Variants in ARMH4 observed in about 807,000 individuals in gnomAD.
The protein encoded by ARMH4 is armadillo like helical domain containing 4.
ARMH4 carries 49 observed loss-of-function variants against 61.9 expected under a neutral mutation model. The observed-to-expected ratio is 0.79, with a 90% CI of 0.63 to 1.00. The LOEUF (loss-of-function observed/expected upper bound fraction) is 1.00. Among genes scored for constraint, ARMH4 ranks in the 50% least tolerant of loss-of-function variants. The probability of loss-of-function intolerance (pLI) is 0.00; values close to 1 mark genes in which losing one functional copy is unlikely to be tolerated. For missense variants in ARMH4, 934 were observed against 930.0 expected (o/e 1.00, Z -0.06); for synonymous variants, 368 against 341.5 (o/e 1.08, Z -0.85).
Position 58,138,459 on chromosome 14 carries a change from G to A in ARMH4, c.900C>T (p.Val300=). Residue 300 remains valine, a synonymous_variant, in exon 2 of 8, where the codon GTC becomes GTT. Coordinates refer to ENST00000267485, the MANE Select transcript of ARMH4 (RefSeq NM_001001872.4). ...CAGAGGCAGCTGGAACAGCTGTGCTGACACTCACTGTGACTTCTGGGGCTC... is the reference window on the plus strand; with the variant it reads ...CAGAGGCAGCTGGAACAGCTGTGCTAACACTCACTGTGACTTCTGGGGCTC... The part of the protein sequence containing the change: ...LLGAPEVTVS[V]STAVPAASAL... 1 of 1,614,260 alleles carries A rather than the reference G, an allele frequency of 6.2e-7. No individual in the cohort carries two copies. Among genetic ancestry groups the A allele is most frequent in the Non-Finnish European group, 8.5e-7 (1 of 1,180,050 alleles).
intron 2 of ARMH4, among the ~76,000 whole-genome samples, chr14:58,136,463 C>T (rs779583562): frequency 6.6e-6 from 1 of 152,140 alleles, no homozygotes; most frequent in Non-Finnish European, 1.5e-5. Context: ...AACCAACTTA[C>T]AAGACATTTT....
chr14:58,096,908 CTCA>C lies in ARMH4; in HGVS notation c.1902_1904del (p.Asp634del). ...CCAGCGAGTCTGCATCTTTATCTTC[CTCA>C]TCTTCTTCCTCATCTTCCTCTTCTT... On this transcript the variant is annotated inframe_deletion, in exon 5 of 8. Coordinates refer to ENST00000267485, the MANE Select transcript of ARMH4 (RefSeq NM_001001872.4). The C allele has an allele frequency of 1.2e-6, 2 of 1,614,052 alleles. No individual in the cohort carries two copies. Among genetic ancestry groups the C allele is most frequent in the Non-Finnish European group, 1.7e-6 (2 of 1,179,982 alleles).
intron 4 of ARMH4, among the ~76,000 whole-genome samples, chr14:58,121,514 A>G (rs986066299): frequency 2.0e-5 from 3 of 152,252 alleles, no homozygotes; most frequent in Non-Finnish European, 4.4e-5. Context: ...ATTTGTGAAC[A>G]CAGCTTTATG....
rs547896357 is a variant in ARMH4 at position 58,140,479 on chromosome 14, G to T, written c.-56-1065C>A. Among the ~76,000 whole-genome samples, 8 of 151,484 alleles carry T rather than the reference G, an allele frequency of 5.3e-5. No homozygotes were observed. In the South Asian group the frequency reaches 8.4e-4, roughly 16 times the overall value. ...ATCTGTAATCCCAGCTGCTCGGGAGGCTGAGGCAAGAGAGTTGCCTAAACC... is the reference window on the plus strand; with the variant it reads ...ATCTGTAATCCCAGCTGCTCGGGAGTCTGAGGCAAGAGAGTTGCCTAAACC... On this transcript the variant is annotated intron_variant, in intron 1 of 7. Coordinates refer to ENST00000267485, the MANE Select transcript of ARMH4 (RefSeq NM_001001872.4).
chr14:58,006,958 C>T (rs1010442652), intron 6 of ARMH4, among the ~76,000 whole-genome samples: 6 of 151,948 alleles, frequency 3.9e-5, no homozygotes, highest in African/African-American at 1.5e-4. Flanking sequence ...TTTGTAGAAG[C>T]CCAAACTTTT....
intron 1 of ARMH4, chr14:58,141,319 A>C (rs1332816809): frequency 2.2e-6 from 1 of 444,862 alleles, no homozygotes; most frequent in African/African-American, 2.1e-5. Flanking sequence ...CAAGACCATC[A>C]CCCTTGAGGT....
chr14:58,081,358 T>C (rs1885220110), intron 5 of ARMH4, among the ~76,000 whole-genome samples: 1 of 152,152 alleles, frequency 6.6e-6, no homozygotes, highest in Admixed American at 6.6e-5. Context: ...GTCAACACTG[T>C]GCTTGCTTTC....
At chr14:58,102,502 A>G (rs1216999303) in intron 4 of ARMH4, among the ~76,000 whole-genome samples, 2 of 152,198 alleles carry the variant, frequency 1.3e-5, no homozygotes, top group Non-Finnish European at 2.9e-5. Flanking sequence ...CTTAAGTACA[A>G]CGACAAAAAT....
intron 5 of ARMH4, among the ~76,000 whole-genome samples, chr14:58,057,354 A>G (rs1183975930): frequency 6.6e-6 from 1 of 152,248 alleles, no homozygotes; most frequent in African/African-American, 2.4e-5. Context: ...TTTGTTAAGC[A>G]GTTTACATAT....
intron 5 of ARMH4, among the ~76,000 whole-genome samples, chr14:58,053,624 T>A (rs1337986987): frequency 6.6e-6 from 1 of 152,162 alleles, no homozygotes; most frequent in East Asian, 1.9e-4. Context: ...TAATATCCTT[T>A]ATAGAACTTG....
At position 58,139,188 on chromosome 14, in the gene ARMH4, A is replaced by T; in HGVS notation, c.171T>A (p.Asn57Lys). Residue 57 changes from asparagine to lysine, a missense_variant, in exon 2 of 8, where the codon AAT (asparagine) becomes AAA (lysine). Physicochemically the swap from Asn to Lys is moderately conservative, Grantham distance 94 (BLOSUM62 0). Coordinates refer to ENST00000267485, the MANE Select transcript of ARMH4 (RefSeq NM_001001872.4). Reference protein sequence around the residue: ...SDKMNTDDLENSSVTSKQTPQ... With the variant: ...SDKMNTDDLEKSSVTSKQTPQ... ...GAGTCTGCTTTGAGGTAACAGAGCT[A>T]TTTTCTAGGTCATCGGTGTTCATCT... 6.2e-7 allele frequency: 1 copy of T among 1,614,112 alleles called. No homozygotes were observed. The highest frequency in any genetic ancestry group is 8.5e-7 in the Non-Finnish European group (1 of 1,180,014).
intron 5 of ARMH4, among the ~76,000 whole-genome samples, chr14:58,088,872 C>A (rs1441111154): frequency 6.6e-6 from 1 of 152,138 alleles, no homozygotes; most frequent in Non-Finnish European, 1.5e-5. Flanking sequence ...ATTCCATTCA[C>A]AATGTACAGC....
chr14:58,090,649 C>T (rs1035206447), intron 5 of ARMH4, among the ~76,000 whole-genome samples: 13 of 151,782 alleles, frequency 8.6e-5, no homozygotes, highest in Admixed American at 2.6e-4. Flanking sequence ...GAGGCCAAGG[C>T]AGACGGATCA....
In ARMH4 at chr14:58,098,399, G is replaced by T. The variant is rs116488686; in HGVS notation, c.1832-1418C>A. Among the ~76,000 whole-genome samples the T allele has an allele frequency of 4.9e-3, 742 of 152,276 alleles. 9 individuals are homozygous for T. The highest frequency in any genetic ancestry group is 0.017 in the African/African-American group (696 of 41,550). On this transcript the variant is annotated intron_variant, in intron 4 of 7. Coordinates refer to ENST00000267485, the MANE Select transcript of ARMH4 (RefSeq NM_001001872.4). ...AAGCAATAACGTCTCTGCCTTCGTGGAGCCCATGTGCCACCCAGGGAGACT... is the reference window on the plus strand; with the variant it reads ...AAGCAATAACGTCTCTGCCTTCGTGTAGCCCATGTGCCACCCAGGGAGACT...
At chr14:58,097,369 C>T (rs1436783201) in intron 4 of ARMH4, among the ~76,000 whole-genome samples, 2 of 152,152 alleles carry the variant, frequency 1.3e-5, no homozygotes, top group Non-Finnish European at 2.9e-5. Flanking sequence ...GAAGCTGTTC[C>T]CATCCCTTTA....
chr14:58,138,635 T>A lies in ARMH4; in HGVS notation c.724A>T (p.Thr242Ser). The A allele has an allele frequency of 6.2e-7, 1 of 1,614,212 alleles. No individual in the cohort carries two copies. The highest frequency in any genetic ancestry group is 2.2e-5 in the East Asian group (1 of 44,880). ...AGGCTTCCAGGCTCACTGCCTGCTG[T>A]GGACTCAGCACCAGGAAAAGAAGTT... ...RTTSFPGAES[T>S]AGSEPGSLTP... Residue 242 changes from threonine to serine, a missense_variant, in exon 2 of 8, where the codon ACA (threonine) becomes TCA (serine). By Grantham distance (58) the Thr-to-Ser change is moderately conservative (BLOSUM62 1). Coordinates refer to ENST00000267485, the MANE Select transcript of ARMH4 (RefSeq NM_001001872.4).
rs1442823929 is a variant in ARMH4 at position 58,003,078 on chromosome 14, T to A, written c.*1658A>T. ...GATGGGGAAGGAAAGAACTTGTGTGTGAGTAAGAGAGAAATTAGAAAGGCA... is the reference window on the plus strand; with the variant it reads ...GATGGGGAAGGAAAGAACTTGTGTGAGAGTAAGAGAGAAATTAGAAAGGCA... On this transcript the variant is annotated 3_prime_UTR_variant, in exon 8 of 8. Coordinates refer to ENST00000267485, the MANE Select transcript of ARMH4 (RefSeq NM_001001872.4). 6.6e-6 allele frequency: 1 copy of A among 152,176 alleles called. No individual in the cohort carries two copies. Among genetic ancestry groups the A allele is most frequent in the African/African-American group, 2.4e-5 (1 of 41,432 alleles). 9.4% of individuals were successfully genotyped at this position (152,176 alleles called of 1,614,324 possible).
chr14:58,067,912 G>A (rs922641317), intron 5 of ARMH4, among the ~76,000 whole-genome samples: 1 of 152,172 alleles, frequency 6.6e-6, no homozygotes, highest in Non-Finnish European at 1.5e-5. Flanking sequence ...GAAAAGAAGA[G>A]AAAGAACAAG....
At chr14:58,040,237 G>T (rs765606806) in intron 5 of ARMH4, among the ~76,000 whole-genome samples, 1 of 151,960 alleles carries the variant, frequency 6.6e-6, no homozygotes, top group Non-Finnish European at 1.5e-5. Context: ...GTGTCACAGG[G>T]GTTTGGTGTA....
Sources: allele counts gnomAD v4.1 joint callset (sites outside exome capture counted in the v4.1 genomes callset), GRCh38; gene constraint gnomAD v4.1.1; transcripts MANE v1.5; gene names NCBI Gene and HGNC (gene_info 2026-07-23, HGNC 2026-07-21).